AFF3: variants seen among roughly 807,000 people sequenced by gnomAD.
AFF3 encodes AF4/FMR2 family member 3.
Under a neutral mutation model 129.7 loss-of-function variants are expected in AFF3, and 32 were observed. That is an observed-to-expected ratio of 0.25 (90% CI 0.19 to 0.33). The LOEUF (loss-of-function observed/expected upper bound fraction) is 0.33, where lower values mean the gene tolerates loss of function less well. Among genes scored for constraint, AFF3 ranks in the 10% least tolerant of loss-of-function variants. AFF3 has a pLI of 1.00. For missense variants in AFF3, 1,373 were observed against 1,592.0 expected (o/e 0.86, Z 2.34); for synonymous variants, 644 against 635.4 (o/e 1.01, Z -0.20).
chr2:99,562,551 A>G (rs1675564541), intron 20 of AFF3, among the ~76,000 whole-genome samples: 1 of 152,148 alleles, frequency 6.6e-6, no homozygotes, highest in Non-Finnish European at 1.5e-5. Context: ...TTGTTTGTTG[A>G]GTGATAACTG....
intron 8 of AFF3, among the ~76,000 whole-genome samples, chr2:99,778,076 A>G (rs1684084728): frequency 6.6e-6 from 1 of 151,670 alleles, no homozygotes; most frequent in African/African-American, 2.4e-5. Context: ...GACAGGTTTC[A>G]GTTGGTTTGT....
intron 11 of AFF3, among the ~76,000 whole-genome samples, chr2:99,726,751 C>T (rs905292821): frequency 2.0e-5 from 3 of 152,206 alleles, no homozygotes; most frequent in African/African-American, 7.2e-5. Context: ...GACAGCATAC[C>T]TCCCAGTTTA....
At chr2:99,601,705 C>G in intron 13 of AFF3, 84 bp from the exon 14 acceptor site, 2 of 1,477,234 alleles carry the variant, frequency 1.4e-6, no homozygotes, top group Non-Finnish European at 1.8e-6. Context: ...CTGTCATGCA[C>G]CCTAAAGAGG....
At chr2:99,560,574 A>G in intron 20 of AFF3, 138 bp from the exon 21 acceptor site, 2 of 796,188 alleles carry the variant, frequency 2.5e-6, no homozygotes, top group Non-Finnish European at 4.0e-6. Context: ...GTACTTGCTG[A>G]TAATTCTTTC....
intron 7 of AFF3, among the ~76,000 whole-genome samples, chr2:99,866,961 GCAT>G (rs1388723140): frequency 9.0e-6 from 1 of 111,724 alleles, no homozygotes; most frequent in African/African-American, 4.0e-5. Flanking sequence ...GGGTAACACA[GCAT>G]AATAATAATA....
intron 7 of AFF3, among the ~76,000 whole-genome samples, chr2:99,980,596 G>A (rs1282658840): frequency 2.0e-5 from 3 of 152,146 alleles, no homozygotes; most frequent in Non-Finnish European, 4.4e-5. Flanking sequence ...AGAGAGCCAG[G>A]TATTTTCTTT....
intron 9 of AFF3, among the ~76,000 whole-genome samples, chr2:99,750,709 G>A (rs889280780): frequency 6.6e-6 from 1 of 152,094 alleles, no homozygotes; most frequent in Non-Finnish European, 1.5e-5. Flanking sequence ...GGGCCAACAC[G>A]CCTGGCCAAA....
intron 11 of AFF3, among the ~76,000 whole-genome samples, chr2:99,678,848 G>C (rs1198679732): frequency 1.3e-5 from 2 of 152,188 alleles, no homozygotes; most frequent in East Asian, 3.9e-4. Flanking sequence ...ACACGGGAGG[G>C]AAAGTTATAC....
intron 4 of AFF3, among the ~76,000 whole-genome samples, chr2:100,015,134 TCA>T (rs1289656677): frequency 3.9e-5 from 6 of 151,984 alleles, no homozygotes; most frequent in African/African-American, 1.5e-4. Context: ...GTGGAATTCC[TCA>T]TTTAAAGTTT....
chr2:99,750,067 A>G (rs1188708470), intron 9 of AFF3, among the ~76,000 whole-genome samples: 1 of 152,240 alleles, frequency 6.6e-6, no homozygotes, highest in African/African-American at 2.4e-5. Flanking sequence ...GACACTTAGA[A>G]TATTGGAGCA....
At chr2:99,569,024 A>G in intron 18 of AFF3, 109 bp from the exon 19 acceptor site, 1 of 1,050,294 alleles carries the variant, frequency 9.5e-7, no homozygotes, top group Non-Finnish European at 1.4e-6. Context: ...AACTCTGCTT[A>G]ATGCGGAATT....
At position 100,007,172 on chromosome 2, in the gene AFF3, G is replaced by A; in HGVS notation, c.463C>T (p.Pro155Ser). Residue 155 changes from proline (P) to serine (S), a missense_variant, in exon 6 of 25, where the codon CCC (proline) becomes TCC (serine). By Grantham distance (74) the Pro-to-Ser change is moderately conservative. This residue lies in a region of AFF3 where 255 missense variants were observed against 256.0 expected (regional missense o/e 1.00). Transcript: ENST00000672756. Reference sequence around the variant, plus strand: ...CTTGCTCTCTGTTGGCCGTCAGAGGGTGGGTGCCCAGCCTTCTGCCAGCCC... The same window carrying A: ...CTTGCTCTCTGTTGGCCGTCAGAGGATGGGTGCCCAGCCTTCTGCCAGCCC... ...TMGWQKAGHP[P>S]SDGQQRATQQ... is the part of the protein sequence containing the mutation. 6.2e-7 allele frequency: 1 copy of A among 1,614,178 alleles called. No homozygotes were observed. The highest frequency in any genetic ancestry group is 8.5e-7 in the Non-Finnish European group (1 of 1,180,028).
intron 11 of AFF3, among the ~76,000 whole-genome samples, chr2:99,714,173 C>T (rs1179690531): frequency 1.3e-5 from 2 of 152,196 alleles, no homozygotes; most frequent in Non-Finnish European, 2.9e-5. Flanking sequence ...AATACAACAG[C>T]AATGCCTAAT....
chr2:99,730,629 C>A (rs1005214790), intron 10 of AFF3, among the ~76,000 whole-genome samples: 18 of 151,648 alleles, frequency 1.2e-4, no homozygotes, highest in Admixed American at 1.3e-4. Flanking sequence ...ATTCTCCTGC[C>A]TCAGCCTCCC....
At chr2:99,698,258 C>A (rs1676496985) in intron 11 of AFF3, among the ~76,000 whole-genome samples, 1 of 152,178 alleles carries the variant, frequency 6.6e-6, no homozygotes, top group Non-Finnish European at 1.5e-5. Flanking sequence ...TTTCTCCACC[C>A]ACAGGATAGC....
intron 7 of AFF3, among the ~76,000 whole-genome samples, chr2:99,887,096 T>C (rs1413280637): frequency 2.6e-5 from 4 of 152,222 alleles, no homozygotes; most frequent in South Asian, 2.1e-4. Context: ...CTGCCCTCTG[T>C]TGGGGGCAAC....
rs765498077 is a variant in AFF3 at position 99,587,166 on chromosome 2, A to T, written c.2579T>A (p.Met860Lys). Residue 860 changes from methionine (M) to lysine (K), a missense_variant, in exon 16 of 25, where the codon ATG becomes AAG. Physicochemically the swap from Met to Lys is moderately conservative, Grantham distance 95. Transcript: ENST00000672756. The stretch of plus-strand genomic sequence containing the variant: ...GGAATGCACGTACCTGTTGATGTTC[A>T]TGTTGCAGTGGTTTGCAGACAAAGT... The part of the protein sequence containing the change: ...SNTLSANHCN[M>K]NINSVAIPIN... The T allele has an allele frequency of 1.4e-5, 23 of 1,614,012 alleles. No individual in the cohort carries two copies. Among genetic ancestry groups the T allele is most frequent in the Non-Finnish European group, 1.5e-5 (18 of 1,180,016 alleles).
intron 7 of AFF3, among the ~76,000 whole-genome samples, chr2:99,880,505 A>G (rs983862139): frequency 3.9e-5 from 6 of 152,196 alleles, no homozygotes; most frequent in African/African-American, 1.4e-4. Context: ...TCAAGGCTTG[A>G]CAGGCGGCCA....
intron 4 of AFF3, among the ~76,000 whole-genome samples, chr2:100,080,507 T>C (rs1186137887): frequency 1.3e-5 from 2 of 152,168 alleles, no homozygotes. Flanking sequence ...ATTTTCATTT[T>C]CCTGAAACCT....
Sources: gnomAD v4.1 joint callset for allele counts (sites outside exome capture counted in the v4.1 genomes callset) on GRCh38, gnomAD v4.1.1 for gene constraint, gnomAD v4.1.1 regional missense constraint, MANE v1.5 for transcripts, NCBI Gene and HGNC (gene_info 2026-07-23, HGNC 2026-07-21) for gene names.